FIRRM: variants seen among roughly 807,000 people sequenced by gnomAD.
The protein encoded by FIRRM is FIGNL1-interacting regulator of recombination and mitosis.
chr1:169,837,149 C>T, the FIRRM span: 1 of 1,522,974 alleles, frequency 6.6e-7, no homozygotes, highest in Non-Finnish European at 8.8e-7. Flanking sequence ...ATTCATTCAG[C>T]AGCTGTTTAT....
chr1:169,803,071 T>A, the FIRRM span: 2 of 1,044,646 alleles, frequency 1.9e-6, no homozygotes, highest in Non-Finnish European at 2.8e-6. Context: ...AGACTGTGTT[T>A]TGTTCATTGC....
At chr1:169,809,213 T>G in the FIRRM span, among the ~76,000 whole-genome samples, 1 of 152,158 alleles carries the variant, frequency 6.6e-6, no homozygotes, top group Non-Finnish European at 1.5e-5. Flanking sequence ...TTCTTCTTGC[T>G]TCTCTTCTTT....
the FIRRM span, among the ~76,000 whole-genome samples, chr1:169,825,610 C>G: frequency 6.6e-6 from 1 of 152,176 alleles, no homozygotes; most frequent in South Asian, 2.1e-4. Context: ...AATTTCATTA[C>G]TATGTTTTAT....
At chr1:169,788,175 A>G in the FIRRM span, among the ~76,000 whole-genome samples, 8,503 of 152,292 alleles carry the variant, frequency 0.056, 315 homozygotes, top group Middle Eastern at 0.085. Context: ...GGCTTAAAAT[A>G]TATACAACTG....
At chr1:169,818,307 G>C in the FIRRM span, among the ~76,000 whole-genome samples, 3 of 152,114 alleles carry the variant, frequency 2.0e-5, no homozygotes, top group Non-Finnish European at 2.9e-5. Context: ...AGCATAGCTA[G>C]GGGGCATGGC....
At chr1:169,850,083 G>A in the FIRRM span, 1 of 583,614 alleles carries the variant, frequency 1.7e-6, no homozygotes, top group Non-Finnish European at 3.0e-6. Context: ...CACTTGTACA[G>A]AAGTTAATTT....
the FIRRM span, among the ~76,000 whole-genome samples, chr1:169,806,467 C>T: frequency 6.6e-6 from 1 of 152,128 alleles, no homozygotes; most frequent in African/African-American, 2.4e-5. Context: ...TCATTAGGTA[C>T]TTTTAAGTTG....
At chr1:169,796,787 A>G in the FIRRM span, among the ~76,000 whole-genome samples, 5 of 152,238 alleles carry the variant, frequency 3.3e-5, no homozygotes, top group East Asian at 3.8e-4. Context: ...TTAATTAACT[A>G]CACTCTGTTC....
At chr1:169,815,981 A>G in the FIRRM span, among the ~76,000 whole-genome samples, 1 of 152,196 alleles carries the variant, frequency 6.6e-6, no homozygotes, top group Non-Finnish European at 1.5e-5. Flanking sequence ...TCAGTCAGAA[A>G]GTGTCAGTAT....
the FIRRM span, chr1:169,827,698 T>A: frequency 2.5e-6 from 4 of 1,613,580 alleles, no homozygotes; most frequent in Non-Finnish European, 3.4e-6. Context: ...AATGTGTTTT[T>A]ATTACATGTA....
the FIRRM span, chr1:169,803,193 C>G: frequency 1.9e-6 from 3 of 1,613,864 alleles, no homozygotes; most frequent in East Asian, 4.5e-5. Flanking sequence ...CTTAGGAGCT[C>G]TCACAGGATG....
chr1:169,853,741 TC>T, the FIRRM span: 1 of 1,613,702 alleles, frequency 6.2e-7, no homozygotes, highest in Non-Finnish European at 8.5e-7. Flanking sequence ...CCAGTTCAGC[TC>T]CCCTTCTTCT....
chr1:169,790,185 C>CTTCT, the FIRRM span, among the ~76,000 whole-genome samples: 1 of 149,818 alleles, frequency 6.7e-6, no homozygotes, highest in Non-Finnish European at 1.5e-5. Context: ...TTTTTTTTTT[C>CTTCT]TCTTTTTTTG....
chr1:169,788,465 A>G, the FIRRM span, among the ~76,000 whole-genome samples: 2 of 152,234 alleles, frequency 1.3e-5, no homozygotes, highest in South Asian at 2.1e-4. Context: ...TCTATAATAC[A>G]TATGACATAC....
the FIRRM span, chr1:169,798,807 C>T: frequency 1.3e-5 from 7 of 535,694 alleles, no homozygotes; most frequent in Non-Finnish European, 5.6e-6. Flanking sequence ...CAATTCCAAT[C>T]TCTTATGAGT....
the FIRRM span, among the ~76,000 whole-genome samples, chr1:169,813,484 T>C: frequency 1.3e-5 from 2 of 152,262 alleles, no homozygotes; most frequent in Admixed American, 1.3e-4. Context: ...AATCCTATTT[T>C]CGTCTACTAG....
chr1:169,827,659 T>C, the FIRRM span: 1 of 1,604,588 alleles, frequency 6.2e-7, no homozygotes, highest in Non-Finnish European at 8.5e-7. Flanking sequence ...AATTATTCCT[T>C]TACGTATTAA....
chr1:169,791,393 A>G, the FIRRM span, among the ~76,000 whole-genome samples: 1 of 152,216 alleles, frequency 6.6e-6, no homozygotes, highest in Non-Finnish European at 1.5e-5. Flanking sequence ...CTTAACTATG[A>G]CTTTCATCTT....
At chr1:169,805,074 C>T in the FIRRM span, among the ~76,000 whole-genome samples, 1 of 152,216 alleles carries the variant, frequency 6.6e-6, no homozygotes, top group Non-Finnish European at 1.5e-5. Flanking sequence ...GTTTGAAAAA[C>T]AATATAAAGG....
Sources: gnomAD v4.1 joint callset for allele counts (sites outside exome capture counted in the v4.1 genomes callset) on GRCh38, gnomAD v4.1.1 for gene constraint, MANE v1.5 for transcripts, NCBI Gene and HGNC (gene_info 2026-07-23, HGNC 2026-07-21) for gene names.